Variants in WNT8B observed in about 807,000 individuals in gnomAD.
WNT8B encodes protein Wnt-8b.
A neutral mutation model predicts 36.6 loss-of-function variants in WNT8B; 24 were observed. That is an observed-to-expected ratio of 0.66 (90% CI 0.48 to 0.92). The LOEUF is 0.92. Ranked by LOEUF, WNT8B falls within the 40% of genes least tolerant of loss-of-function variation. WNT8B has a pLI of 0.00. For synonymous variants in WNT8B, 199 were observed against 189.8 expected (o/e 1.05, Z -0.40); for missense variants, 402 against 470.8 (o/e 0.85, Z 1.35).
In WNT8B at chr10:100,482,741, G is replaced by C. The variant is rs1258406113; in HGVS notation, c.981G>C (p.Arg327Ser). 1.9e-6 allele frequency: 3 copies of C among 1,605,212 alleles called. No individual in the cohort carries two copies. Among genetic ancestry groups the C allele is most frequent in the Non-Finnish European group, 2.6e-6 (3 of 1,176,252 alleles). The change falls in exon 6 of 6, where the codon AGG becomes AGC. Residue 327 changes from arginine to serine, a missense_variant. This residue lies in a region of WNT8B where 256 missense variants were observed against 278.6 expected (regional missense o/e 0.92). Transcript: ENST00000343737. The surrounding 1 kb of genome is among the most constrained non-coding windows in gnomAD (Gnocchi z 6.6). ...TCCGCTGCGAGCAGTGCCGCCGGAG[G>C]GTCACCAAGTACTTCTGTAGCCGCG... is the stretch of plus-strand genomic sequence containing the variant. ...CAVRCEQCRR[R>S]VTKYFCSRAE...
chr10:100,468,273 T>C (rs1850933528), intron 1 of WNT8B, among the ~76,000 whole-genome samples: 1 of 152,248 alleles, frequency 6.6e-6, no homozygotes, highest in Admixed American at 6.5e-5. Context: ...GCTGTTCACC[T>C]AGTTATTTTA....
At chr10:100,467,366 C>A (rs1850918076) in intron 1 of WNT8B, among the ~76,000 whole-genome samples, 1 of 152,064 alleles carries the variant, frequency 6.6e-6, no homozygotes, top group Admixed American at 6.6e-5. Flanking sequence ...CCTATGGTAC[C>A]AGCACATTAT....
chr10:100,477,933 T>G (rs1851059429), intron 1 of WNT8B, among the ~76,000 whole-genome samples: 1 of 150,518 alleles, frequency 6.6e-6, no homozygotes, highest in Admixed American at 6.6e-5. Context: ...CATACCACCA[T>G]GCCTAGCTAT....
chr10:100,463,111 C>A lies in WNT8B; in HGVS notation c.-58C>A, dbSNP rs1249450882. 2.7e-6 allele frequency: 4 copies of A among 1,507,510 alleles called. No individual in the cohort carries two copies. Among genetic ancestry groups the A allele is most frequent in the African/African-American group, 1.4e-5 (1 of 72,666 alleles). 93.4% of individuals were successfully genotyped at this position (1,507,510 alleles called of 1,614,324 possible). ...GGCACTGAGGAGAATATTTCTCCGT[C>A]TTGCTTACCCATCTCCCAGTTTTTT... On this transcript the variant is annotated 5_prime_UTR_variant, in exon 1 of 6. Transcript: ENST00000343737.
chr10:100,477,509 C>T (rs957791480), intron 1 of WNT8B, among the ~76,000 whole-genome samples: 15 of 152,074 alleles, frequency 9.9e-5, no homozygotes, highest in Non-Finnish European at 1.5e-4. Context: ...CCATGTTAGC[C>T]AGGATGGTCT....
chr10:100,466,961 T>C (rs1850913620), intron 1 of WNT8B, among the ~76,000 whole-genome samples: 1 of 148,290 alleles, frequency 6.7e-6, no homozygotes, highest in African/African-American at 2.5e-5. Context: ...TAAATCTTTA[T>C]TTTTCAGAAA....
At chr10:100,473,653 A>C (rs996227782) in intron 1 of WNT8B, among the ~76,000 whole-genome samples, 1 of 152,170 alleles carries the variant, frequency 6.6e-6, no homozygotes, top group Non-Finnish European at 1.5e-5. Flanking sequence ...TGGGTTGGAC[A>C]TGGTGGCTCA....
chr10:100,479,139 C>A, intron 2 of WNT8B, 54 bp downstream of exon 2: 1 of 1,498,774 alleles, frequency 6.7e-7, no homozygotes, highest in Non-Finnish European at 9.1e-7. Flanking sequence ...AGCCTGTTGA[C>A]TAAAGATGAT....
At chr10:100,469,492 G>T (rs1024967780) in intron 1 of WNT8B, among the ~76,000 whole-genome samples, 6 of 152,280 alleles carry the variant, frequency 3.9e-5, no homozygotes, top group Admixed American at 2.6e-4. Flanking sequence ...AGGAAAGCCT[G>T]ATTTCAATAC....
At chr10:100,470,412 G>A (rs535311330) in intron 1 of WNT8B, among the ~76,000 whole-genome samples, 13 of 151,476 alleles carry the variant, frequency 8.6e-5, no homozygotes, top group Admixed American at 1.3e-4. Flanking sequence ...TTTATTTTTC[G>A]TAGAGACAGA....
chr10:100,479,797 G>T, intron 2 of WNT8B, 77 bp from the exon 3 acceptor site: 5 of 1,551,916 alleles, frequency 3.2e-6, no homozygotes, highest in Non-Finnish European at 3.5e-6. Flanking sequence ...AGAGTGAGCA[G>T]GAAGAGGGCT....
chr10:100,482,680 C>T lies in WNT8B; in HGVS notation c.920C>T (p.Ser307Phe). ...GAGGAGCGCCGGGCCGAGACCGTGTCCAGCTGCAACTGCAAGTTCCACTGG... is the reference window on the plus strand; with the variant it reads ...GAGGAGCGCCGGGCCGAGACCGTGTTCAGCTGCAACTGCAAGTTCCACTGG... ...AVEERRAETVSSCNCKFHWCC... is the reference protein window; with the variant it reads ...AVEERRAETVFSCNCKFHWCC... The change falls in exon 6 of 6, where the codon TCC (serine) becomes TTC (phenylalanine). Residue 307 changes from serine to phenylalanine, a missense_variant. Coordinates refer to ENST00000343737, the MANE Select transcript of WNT8B (RefSeq NM_003393.4). The surrounding 1 kb of genome is among the most constrained non-coding windows in gnomAD (Gnocchi z 6.6). 6.2e-7 allele frequency: 1 copy of T among 1,610,024 alleles called. No homozygotes were observed. The highest frequency in any genetic ancestry group is 8.5e-7 in the Non-Finnish European group (1 of 1,179,220).
rs1008204954 is a variant in WNT8B at position 100,483,577 on chromosome 10, A to G, written c.*761A>G. ...GGTCTAGGAAATACGTTAAGGGCAGATTACAGTCATTTCCTACCCTTTAAA... is the reference window on the plus strand; with the variant it reads ...GGTCTAGGAAATACGTTAAGGGCAGGTTACAGTCATTTCCTACCCTTTAAA... On this transcript the variant is annotated 3_prime_UTR_variant, in exon 6 of 6. Transcript: ENST00000343737. 3 of 152,244 alleles carry G rather than the reference A, an allele frequency of 2.0e-5. No individual in the cohort carries two copies. The highest frequency in any genetic ancestry group is 7.2e-5 in the African/African-American group (3 of 41,458). 9.4% of individuals were successfully genotyped at this position (152,244 alleles called of 1,614,324 possible). A position where few individuals can be genotyped will look rare whatever the true frequency, so the allele number is the denominator to read the frequency against.
Position 100,482,060 on chromosome 10 carries a change from T to C in WNT8B, c.510+6T>C. On this transcript the variant is annotated splice_donor_region_variant and intron_variant, in intron 5 of 5. Transcript: ENST00000343737. The surrounding 1 kb of genome is among the most constrained non-coding windows in gnomAD (Gnocchi z 6.6). The stretch of plus-strand genomic sequence containing the variant: ...ACAACGAGGCTGGCCGCAAGGTGAG[T>C]CCCGCAGCCCTTGGAAATAGGCAGC... The C allele has an allele frequency of 1.2e-6, 2 of 1,613,922 alleles. No homozygotes were observed. Among genetic ancestry groups the C allele is most frequent in the Non-Finnish European group, 1.7e-6 (2 of 1,179,918 alleles).
Sources: allele counts gnomAD v4.1 joint callset (sites outside exome capture counted in the v4.1 genomes callset), GRCh38; gene constraint gnomAD v4.1.1; regional missense constraint gnomAD v4.1.1; non-coding constraint Gnocchi (gnomAD v3.1); transcripts MANE v1.5; gene names NCBI Gene and HGNC (gene_info 2026-07-23, HGNC 2026-07-21).